The following HOXC11 variants were observed in gnomAD, a reference collection of about 807,000 sequenced individuals.
HOXC11 encodes homeobox protein Hox-C11.
HOXC11 carries 17 observed loss-of-function variants against 23.6 expected under a neutral mutation model. The ratio of observed to expected loss-of-function variants is 0.72; its 90% CI spans 0.49 to 1.08. The LOEUF is 1.08. Ranked by LOEUF, HOXC11 falls within the 50% of genes least tolerant of loss-of-function variation. HOXC11 has a pLI of 0.00. For missense variants in HOXC11, 413 were observed against 412.1 expected (o/e 1.00, Z -0.02); for synonymous variants, 196 against 183.8 (o/e 1.07, Z -0.54).
intron 1 of HOXC11, among the ~76,000 whole-genome samples, chr12:53,974,501 G>C (rs987608313): frequency 3.9e-4 from 60 of 152,130 alleles, no homozygotes; most frequent in African/African-American, 1.4e-3. Context: ...GGGTCCTCGA[G>C]CAGAAACCCA....
Sources: gnomAD v4.1 joint callset for allele counts (sites outside exome capture counted in the v4.1 genomes callset) on GRCh38, gnomAD v4.1.1 for gene constraint, MANE v1.5 for transcripts, NCBI Gene and HGNC (gene_info 2026-07-23, HGNC 2026-07-21) for gene names.